The following DGKG variants were observed in gnomAD, a reference collection of about 807,000 sequenced individuals.
The protein encoded by DGKG is diacylglycerol kinase gamma, also known as DAG kinase gamma.
DGKG carries 78 observed loss-of-function variants against 105.3 expected under a neutral mutation model. The ratio of observed to expected loss-of-function variants is 0.74; its 90% CI spans 0.62 to 0.89. The LOEUF is 0.89. Ranked by LOEUF, DGKG falls within the 40% of genes least tolerant of loss-of-function variation. The probability of loss-of-function intolerance (pLI) is 0.00; values close to 1 mark genes in which losing one functional copy is unlikely to be tolerated. For synonymous variants in DGKG, 346 were observed against 367.1 expected (o/e 0.94, Z 0.66); for missense variants, 958 against 1,020.1 (o/e 0.94, Z 0.83).
chr3:186,340,952 A>T (rs1009290881), intron 1 of DGKG, among the ~76,000 whole-genome samples: 2 of 152,172 alleles, frequency 1.3e-5, no homozygotes, highest in African/African-American at 4.8e-5. Context: ...TGGTCTCATA[A>T]CTATCTTCTC....
At chr3:186,344,900 T>C (rs1352022687) in intron 1 of DGKG, among the ~76,000 whole-genome samples, 9 of 152,230 alleles carry the variant, frequency 5.9e-5, no homozygotes, top group Non-Finnish European at 1.3e-4. Context: ...ATAAATTTTA[T>C]TATGTGCTTT....
In DGKG at chr3:186,181,151, C is replaced by T. The variant is rs145004397; in HGVS notation, c.2095+7051G>A. On this transcript the variant is annotated intron_variant, in intron 22 of 24. Coordinates refer to ENST00000265022, the MANE Select transcript of DGKG (RefSeq NM_001346.3). ...ACTTAGCATAGTTCCTAATTATATG[C>T]CTGTCTGTGGGGTTATTTTATTGAG... 1.7e-3 allele frequency among the ~76,000 whole-genome samples: 262 copies of T among 152,318 alleles called. 2 individuals are homozygous for T. Among genetic ancestry groups the T allele is most frequent in the African/African-American group, 6.2e-3 (256 of 41,580 alleles).
chr3:186,171,966 C>T (rs1716843959), intron 22 of DGKG, among the ~76,000 whole-genome samples: 2 of 152,082 alleles, frequency 1.3e-5, no homozygotes, highest in Non-Finnish European at 2.9e-5. Flanking sequence ...AGAGATTCTC[C>T]CACCTCAGCC....
intron 6 of DGKG, 51 bp downstream of exon 6, chr3:186,288,659 A>G: frequency 6.3e-7 from 1 of 1,589,648 alleles, no homozygotes; most frequent in African/African-American, 1.3e-5. Flanking sequence ...ATAGAACCCC[A>G]GATCCTTCTC....
At chr3:186,165,199 A>G (rs960214764) in intron 22 of DGKG, among the ~76,000 whole-genome samples, 181 bp from the exon 23 acceptor site, 5 of 152,204 alleles carry the variant, frequency 3.3e-5, no homozygotes, top group African/African-American at 1.2e-4. Context: ...GTACCTTTTC[A>G]TGAGGAGATG....
chr3:186,307,707 A>T (rs551463990), intron 2 of DGKG, among the ~76,000 whole-genome samples: 1 of 152,358 alleles, frequency 6.6e-6, no homozygotes, highest in East Asian at 1.9e-4. Context: ...GAAAAACAAT[A>T]TGTAGATGAG....
chr3:186,338,294 T>C (rs978291883), intron 1 of DGKG, among the ~76,000 whole-genome samples: 3 of 151,368 alleles, frequency 2.0e-5, no homozygotes, highest in African/African-American at 7.3e-5. Flanking sequence ...AGCAGGACAA[T>C]AGGGAAATCT....
intron 14 of DGKG, among the ~76,000 whole-genome samples, chr3:186,262,262 G>C (rs912323107): frequency 2.6e-5 from 4 of 152,140 alleles, no homozygotes; most frequent in African/African-American, 9.7e-5. Context: ...CCAGTGGGTA[G>C]TACTGTCGAC....
intron 24 of DGKG, among the ~76,000 whole-genome samples, chr3:186,151,385 G>C (rs1715750954): frequency 6.6e-6 from 1 of 152,220 alleles, no homozygotes; most frequent in Non-Finnish European, 1.5e-5. Flanking sequence ...CCATCAACGA[G>C]TTTAAATCAA....
At chr3:186,244,891 G>A (rs980657494) in intron 19 of DGKG, among the ~76,000 whole-genome samples, 20 of 152,102 alleles carry the variant, frequency 1.3e-4, no homozygotes, top group African/African-American at 4.8e-4. Flanking sequence ...CACTCTCTGA[G>A]CAAATTTCAG....
chr3:186,153,244 T>TATCA (rs1715857216), intron 24 of DGKG, among the ~76,000 whole-genome samples: 3 of 152,102 alleles, frequency 2.0e-5, no homozygotes, highest in Admixed American at 2.0e-4. Context: ...GTCAAAGAGA[T>TATCA]ATCAGTCCCT....
At chr3:186,325,375 C>G (rs974965415) in intron 1 of DGKG, among the ~76,000 whole-genome samples, 1 of 152,084 alleles carries the variant, frequency 6.6e-6, no homozygotes, top group African/African-American at 2.4e-5. Flanking sequence ...ACAAACTTGC[C>G]CCTGTACCCC....
At chr3:186,239,376 C>T (rs1471033799) in intron 20 of DGKG, among the ~76,000 whole-genome samples, 2 of 152,178 alleles carry the variant, frequency 1.3e-5, no homozygotes, top group African/African-American at 2.4e-5. Flanking sequence ...TTGATAATGC[C>T]GTTTACATTT....
At chr3:186,225,177 C>T (rs945044479) in intron 20 of DGKG, among the ~76,000 whole-genome samples, 8 of 151,902 alleles carry the variant, frequency 5.3e-5, no homozygotes, top group African/African-American at 1.7e-4. Context: ...TAATAGTTCC[C>T]TGTAGCTCCA....
chr3:186,302,495 T>TAC (rs1723993752), intron 3 of DGKG, among the ~76,000 whole-genome samples: 3 of 9,624 alleles, frequency 3.1e-4, no homozygotes, highest in African/African-American at 1.7e-3. Flanking sequence ...TATATATATA[T>TAC]ATATATATAT....
intron 2 of DGKG, among the ~76,000 whole-genome samples, chr3:186,312,122 CAAAAAAAAAAAAAAAAAAAA>C (rs34286105): frequency 3.4e-4 from 6 of 17,472 alleles, no homozygotes; most frequent in Admixed American, 8.6e-4. Context: ...GACTCCGTCT[CAAAAAAAAAAAAAAAAAAAA>C]AAAAAAAAAA....
intron 10 of DGKG, among the ~76,000 whole-genome samples, chr3:186,273,936 A>G (rs1722454920): frequency 6.6e-6 from 1 of 152,130 alleles, no homozygotes; most frequent in East Asian, 1.9e-4. Context: ...GGTGCCTGCC[A>G]TGCCTTCTTG....
At chr3:186,192,243 A>T (rs985272079) in intron 21 of DGKG, among the ~76,000 whole-genome samples, 2 of 152,050 alleles carry the variant, frequency 1.3e-5, no homozygotes, top group African/African-American at 4.8e-5. Flanking sequence ...AACTGACCTC[A>T]GGTGATCCAC....
rs568472116 is a variant in DGKG at position 186,239,948 on chromosome 3, T to A, written c.1826+2556A>T. Among the ~76,000 whole-genome samples, 21 of 151,340 alleles carry A rather than the reference T, an allele frequency of 1.4e-4. No individual in the cohort carries two copies. The South Asian group carries it at 4.2e-3, about 30-fold the overall frequency. On this transcript the variant is annotated intron_variant, in intron 20 of 24. Coordinates refer to ENST00000265022, the MANE Select transcript of DGKG (RefSeq NM_001346.3). ...GATGTGTCTTTCTAATTGTACTTAA[T>A]CATGTGGGTGATGGATGATTGCTCT...
Sources: gnomAD v4.1 joint callset for allele counts (sites outside exome capture counted in the v4.1 genomes callset) on GRCh38, gnomAD v4.1.1 for gene constraint, MANE v1.5 for transcripts, NCBI Gene and HGNC (gene_info 2026-07-23, HGNC 2026-07-21) for gene names.